Variants in RORA observed in about 807,000 individuals in gnomAD.
RORA encodes the protein nuclear receptor ROR-alpha.
RORA carries 7 observed loss-of-function variants against 69.5 expected under a neutral mutation model. That is an observed-to-expected ratio of 0.10 (90% CI 0.06 to 0.19). The LOEUF (loss-of-function observed/expected upper bound fraction) is 0.19, where lower values mean the gene tolerates loss of function less well. Ranked by LOEUF, RORA falls within the 10% of genes least tolerant of loss-of-function variation. RORA has a pLI of 1.00. For missense variants in RORA, 457 were observed against 663.0 expected (o/e 0.69, Z 3.41); for synonymous variants, 261 against 240.8 (o/e 1.08, Z -0.78).
At chr15:60,990,399 T>A (rs1181974271) in intron 1 of RORA, among the ~76,000 whole-genome samples, 1 of 152,164 alleles carries the variant, frequency 6.6e-6, no homozygotes, top group African/African-American at 2.4e-5. Flanking sequence ...GAAAAATGAG[T>A]AAATTTCCTA....
intron 1 of RORA, among the ~76,000 whole-genome samples, chr15:61,150,191 A>G (rs1172876205): frequency 6.6e-6 from 1 of 152,236 alleles, no homozygotes; most frequent in Non-Finnish European, 1.5e-5. Flanking sequence ...CACACATGAC[A>G]AGGGGTGTTC....
intron 3 of RORA, chr15:60,530,693 T>A (rs919582144): frequency 8.5e-5 from 13 of 152,216 alleles, no homozygotes; most frequent in African/African-American, 3.1e-4. Flanking sequence ...AGTAGTCATT[T>A]GTGTCTATAG....
chr15:60,542,144 C>T (rs546070738), intron 2 of RORA, among the ~76,000 whole-genome samples: 10 of 152,266 alleles, frequency 6.6e-5, no homozygotes, highest in Admixed American at 2.0e-4. Context: ...TACTTCAGTA[C>T]GGCAAGGTTT....
At chr15:60,934,367 C>T (rs1274570601) in intron 1 of RORA, among the ~76,000 whole-genome samples, 1 of 152,038 alleles carries the variant, frequency 6.6e-6, no homozygotes, top group Non-Finnish European at 1.5e-5. Flanking sequence ...GGTCAGAGTC[C>T]TCTGGAGGGC....
intron 2 of RORA, among the ~76,000 whole-genome samples, chr15:60,592,125 G>C (rs2140523178): frequency 7.1e-6 from 1 of 141,126 alleles, no homozygotes; most frequent in South Asian, 2.1e-4. Flanking sequence ...GCGGACCCAA[G>C]AGACTGACAG....
chr15:60,548,366 C>T (rs148970668), intron 2 of RORA, among the ~76,000 whole-genome samples: 13 of 152,182 alleles, frequency 8.5e-5, no homozygotes, highest in Middle Eastern at 3.4e-3. Context: ...GTCATTTCCC[C>T]GCCGAGACCA....
Position 60,746,855 on chromosome 15 carries a change from T to C in RORA, c.167-68169A>G, listed in dbSNP as rs117035944. On this transcript the variant is annotated intron_variant, in intron 1 of 10. Transcript: ENST00000335670. ...ATTATTTCAACTTCATGCTGTAGGT[T>C]GCCTGCCTTAGTTAAACCCGAGGAA... 6.9e-3 allele frequency among the ~76,000 whole-genome samples: 1,055 copies of C among 152,350 alleles called. 8 individuals carry two copies. Among genetic ancestry groups the C allele is most frequent in the South Asian group, 0.027 (129 of 4,826 alleles).
At position 60,905,680 on chromosome 15, in the gene RORA, A is replaced by G. The variant is rs1891515659; in HGVS notation, c.167-226994T>C. Among the ~76,000 whole-genome samples, 1 of 152,222 alleles carries G rather than the reference A, an allele frequency of 6.6e-6. No individual in the cohort carries two copies. Among genetic ancestry groups the G allele is most frequent in the South Asian group, 2.1e-4 (1 of 4,836 alleles). On this transcript the variant is annotated intron_variant, in intron 1 of 10. Coordinates refer to ENST00000335670, the MANE Select transcript of RORA (RefSeq NM_134261.3). The surrounding 1 kb of genome is among the most constrained non-coding windows in gnomAD (Gnocchi z 4.8). ...GTATCTGCCCCGGTTCTGTCAGGAA[A>G]ATTAAACAGAGCACTTGTGATTGCC...
intron 1 of RORA, among the ~76,000 whole-genome samples, chr15:60,929,016 G>T (rs1332064586): frequency 6.6e-6 from 1 of 152,100 alleles, no homozygotes; most frequent in Non-Finnish European, 1.5e-5. Context: ...AGACACACTT[G>T]TGTGCCCCGC....
chr15:60,940,754 T>C (rs1358094159), intron 1 of RORA, among the ~76,000 whole-genome samples: 4 of 152,244 alleles, frequency 2.6e-5, no homozygotes, highest in Middle Eastern at 3.4e-3. Flanking sequence ...GGTGAAACCC[T>C]GTCTCTACTA....
intron 1 of RORA, among the ~76,000 whole-genome samples, chr15:60,873,379 T>C (rs1182872733): frequency 6.6e-6 from 1 of 152,096 alleles, no homozygotes; most frequent in Non-Finnish European, 1.5e-5. Flanking sequence ...AATGAAGAAA[T>C]GGTCATGCCC....
chr15:60,654,251 G>C (rs1782450519), intron 2 of RORA, among the ~76,000 whole-genome samples: 1 of 152,168 alleles, frequency 6.6e-6, no homozygotes. Context: ...AATGTTCCAT[G>C]GTACACTGAA....
At chr15:61,165,715 G>C (rs182925112) in intron 1 of RORA, among the ~76,000 whole-genome samples, 176 of 152,214 alleles carry the variant, frequency 1.2e-3, no homozygotes, top group South Asian at 4.6e-3. Context: ...AATGAAAGAG[G>C]GGCAAACAAC....
chr15:60,504,233 T>C (rs984986390), intron 6 of RORA, among the ~76,000 whole-genome samples: 3 of 152,144 alleles, frequency 2.0e-5, no homozygotes, highest in African/African-American at 7.2e-5. Context: ...GACATCCTTG[T>C]TTTAATTCAC....
intron 1 of RORA, among the ~76,000 whole-genome samples, chr15:60,975,763 C>A (rs978271497): frequency 3.3e-5 from 5 of 152,208 alleles, no homozygotes; most frequent in African/African-American, 1.2e-4. Flanking sequence ...GCACAGGAAA[C>A]GGGAGACCCC....
chr15:61,093,747 A>T (rs1467376000), intron 1 of RORA, among the ~76,000 whole-genome samples: 1 of 152,208 alleles, frequency 6.6e-6, no homozygotes, highest in Non-Finnish European at 1.5e-5. Context: ...GCCACCTCTG[A>T]AGCTAATCAA....
chr15:60,922,725 A>G (rs1892090731), intron 1 of RORA, among the ~76,000 whole-genome samples: 2 of 152,218 alleles, frequency 1.3e-5, no homozygotes, highest in Admixed American at 6.5e-5. Flanking sequence ...ATACTTTGTG[A>G]GGAGAGAAAA....
At chr15:61,113,218 T>C (rs1361106662) in intron 1 of RORA, among the ~76,000 whole-genome samples, 1 of 152,258 alleles carries the variant, frequency 6.6e-6, no homozygotes, top group East Asian at 1.9e-4. Context: ...CTGCTCTTTC[T>C]AGTTAGTACA....
intron 1 of RORA, among the ~76,000 whole-genome samples, chr15:60,964,004 G>A (rs1893483454): frequency 6.6e-6 from 1 of 152,212 alleles, no homozygotes; most frequent in Admixed American, 6.5e-5. Context: ...AGGCAGCAGT[G>A]TACCTTCATT....
Sources: allele counts gnomAD v4.1 joint callset (sites outside exome capture counted in the v4.1 genomes callset), GRCh38; gene constraint gnomAD v4.1.1; non-coding constraint Gnocchi (gnomAD v3.1); transcripts MANE v1.5; gene names NCBI Gene and HGNC (gene_info 2026-07-23, HGNC 2026-07-21).